Variants in UROS observed in about 807,000 individuals in gnomAD.
The protein encoded by UROS is uroporphyrinogen-III synthase.
UROS carries 18 observed loss-of-function variants against 33.0 expected under a neutral mutation model. The ratio of observed to expected loss-of-function variants is 0.55; its 90% confidence interval spans 0.38 to 0.81. The LOEUF (loss-of-function observed/expected upper bound fraction) is 0.81. UROS is among the 30% of genes least tolerant of loss of function. The pLI, the probability that UROS is intolerant of heterozygous loss-of-function variation, is 0.00. For synonymous variants in UROS, 114 were observed against 121.1 expected, an observed-to-expected ratio of 0.94 and a Z score of 0.38; for missense variants, 293 against 314.9, an observed-to-expected ratio of 0.93 and a Z score of 0.53.
chr10:125,814,976 G>A, intron 4 of UROS, 58 bp downstream of exon 4: 1 of 1,564,408 alleles, frequency 6.4e-7, no homozygotes. Flanking sequence ...TAGTCTCCCA[G>A]CAGGAGAAAT....
In UROS at chr10:125,795,978, T is replaced by G. The variant is rs1015903338; in HGVS notation, c.561+125A>C. The G allele has an allele frequency of 9.8e-5, 83 of 850,334 alleles. 1 individual carries two copies. Among genetic ancestry groups the G allele is most frequent in the Admixed American group, 1.7e-5 (1 of 58,608 alleles). 52.7% of individuals were successfully genotyped at this position (850,334 alleles called of 1,614,324 possible). On this transcript the variant is annotated intron_variant, in intron 8 of 9. Coordinates refer to ENST00000368797, the MANE Select transcript of UROS (RefSeq NM_000375.3). ...ACCAACTATGTGACAGGAAAAGGCA[T>G]GCAGGTGACAGCTGGGGACAGTGAA...
chr10:125,802,984 C>G, intron 6 of UROS: 1 of 1,612,910 alleles, frequency 6.2e-7, no homozygotes. Flanking sequence ...CACGTCCAAA[C>G]CCACTTTCTT....
chr10:125,814,640 G>GGGATGGA (rs1196007896), intron 4 of UROS, among the ~76,000 whole-genome samples: 12 of 152,174 alleles, frequency 7.9e-5, no homozygotes, highest in African/African-American at 2.9e-4. Flanking sequence ...CTAATAGTGA[G>GGGATGGA]GGACGGAGGT....
intron 6 of UROS, among the ~76,000 whole-genome samples, chr10:125,801,129 T>C (rs1446369488): frequency 2.0e-5 from 3 of 152,152 alleles, no homozygotes; most frequent in Admixed American, 6.5e-5. Flanking sequence ...GAGCAGACAG[T>C]GGGCGCCTGA....
chr10:125,788,379 G>A (rs1344326078), downstream of UROS, among the ~76,000 whole-genome samples: 3 of 152,204 alleles, frequency 2.0e-5, no homozygotes, highest in Non-Finnish European at 4.4e-5. Context: ...GGGAAAGCAA[G>A]TCTTTCTATA....
chr10:125,788,074 C>T (rs1055320199), downstream of UROS, among the ~76,000 whole-genome samples: 10 of 152,164 alleles, frequency 6.6e-5, no homozygotes, highest in Non-Finnish European at 5.9e-5. Context: ...AAATGCCTTT[C>T]AGCCAGATCT....
At chr10:125,814,634 T>C (rs984032066) in intron 4 of UROS, among the ~76,000 whole-genome samples, 6 of 152,166 alleles carry the variant, frequency 3.9e-5, no homozygotes, top group South Asian at 2.1e-4. Context: ...ACTGTTCTAA[T>C]AGTGAGGGAC....
At chr10:125,793,732 A>T (rs1851125205) in intron 9 of UROS, 1 of 152,044 alleles carries the variant, frequency 6.6e-6, no homozygotes, top group African/African-American at 2.4e-5. Flanking sequence ...TTTTTAGTAA[A>T]GACGGGGTTT....
intron 1 of UROS, among the ~76,000 whole-genome samples, chr10:125,820,606 T>C (rs1853788093): frequency 6.6e-6 from 1 of 152,140 alleles, no homozygotes; most frequent in African/African-American, 2.4e-5. Context: ...CATGTAAAAG[T>C]AACTATCACA....
At chr10:125,803,454 G>A (rs1350838181) in intron 6 of UROS, among the ~76,000 whole-genome samples, 1 of 152,184 alleles carries the variant, frequency 6.6e-6, no homozygotes, top group Non-Finnish European at 1.5e-5. Context: ...AGCACCCCAG[G>A]CCCTGCTCTT....
At chr10:125,795,685 AATG>A (rs1851294267) in intron 8 of UROS, among the ~76,000 whole-genome samples, 1 of 152,186 alleles carries the variant, frequency 6.6e-6, no homozygotes, top group African/African-American at 2.4e-5. Flanking sequence ...GATGAATAGC[AATG>A]ATAACATCAA....
In UROS at chr10:125,816,469, C is replaced by T. The variant is rs1307384427; in HGVS notation, c.31G>A (p.Glu11Lys). The change falls in exon 2 of 10, where the codon GAA (glutamate) becomes AAA (lysine). Residue 11 changes from glutamate to lysine, a missense_variant. Transcript: ENST00000368797. MKVLLLKDAK[E>K]DDCGQDPYIR... ...TACGGATCCTGGCCACAGTCATCTT[C>T]CTTCGCATCCTTCAGTAAAAGAACC... is the stretch of plus-strand genomic sequence containing the variant. 9.3e-6 allele frequency: 15 copies of T among 1,614,204 alleles called. No homozygotes were observed. Among genetic ancestry groups the T allele is most frequent in the Non-Finnish European group, 1.3e-5 (15 of 1,180,036 alleles).
intron 6 of UROS, among the ~76,000 whole-genome samples, chr10:125,804,488 T>G (rs1318992171): frequency 6.6e-6 from 1 of 152,174 alleles, no homozygotes; most frequent in Non-Finnish European, 1.5e-5. Context: ...TTCTAGCAAA[T>G]TACTGAACCT....
intron 8 of UROS, chr10:125,795,244 G>A: frequency 2.0e-6 from 1 of 507,702 alleles, no homozygotes; most frequent in East Asian, 3.8e-5. Flanking sequence ...GCATCCCGGA[G>A]CTCATGTGCC....
chr10:125,813,187 T>A (rs544122491), intron 4 of UROS, among the ~76,000 whole-genome samples: 56 of 151,992 alleles, frequency 3.7e-4, no homozygotes, highest in African/African-American at 1.3e-3. Flanking sequence ...CTGGGTGGAG[T>A]CAGAAAGCCT....
intron 1 of UROS, among the ~76,000 whole-genome samples, chr10:125,817,200 G>A (rs949313758): frequency 1.9e-4 from 28 of 150,182 alleles, no homozygotes; most frequent in Admixed American, 1.5e-3. Context: ...TAATAGCAAC[G>A]GGAAGCTTCT....
At chr10:125,822,217 A>C (rs1853988402) in intron 1 of UROS, among the ~76,000 whole-genome samples, 1 of 152,106 alleles carries the variant, frequency 6.6e-6, no homozygotes, top group Non-Finnish European at 1.5e-5. Flanking sequence ...CCCACCTGCC[A>C]CAGGGGCTGG....
chr10:125,820,083 G>A lies in UROS; in HGVS notation c.-27+2946C>T, dbSNP rs1452824642. On this transcript the variant is annotated intron_variant, in intron 1 of 9. Transcript: ENST00000368797. ...GTTCTGGGTATCAGCAATAACAACA[G>A]TCACCCTTTTACTGAGCATTTACTC... Among the ~76,000 whole-genome samples, 7 of 152,120 alleles carry A rather than the reference G, an allele frequency of 4.6e-5. No individual in the cohort carries two copies. The East Asian group carries it at 1.3e-3, about 29-fold the overall frequency.
rs191477191 is a variant in UROS at position 125,815,133 on chromosome 10, G to A, written c.148-3C>T. ...CCGTAATCTTCAGGATGAGAAAGCT[G>A]CACACCAAAAAGCAATAAAGACATT... On this transcript the variant is annotated splice_polypyrimidine_tract_variant and splice_region_variant and intron_variant, in intron 3 of 9. Transcript: ENST00000368797. 135 of 1,614,058 alleles carry A rather than the reference G, an allele frequency of 8.4e-5. No individual in the cohort carries two copies. The East Asian group carries it at 1.7e-3, about 20-fold the overall frequency.
Sources: gnomAD v4.1 joint callset for allele counts (sites outside exome capture counted in the v4.1 genomes callset) on GRCh38, gnomAD v4.1.1 for gene constraint, MANE v1.5 for transcripts, NCBI Gene and HGNC (gene_info 2026-07-23, HGNC 2026-07-21) for gene names.